The following LINC00632 variants were observed in gnomAD, a reference collection of about 807,000 sequenced individuals.
The protein encoded by LINC00632 is long independently transcribed non-coding RNA 632, also known as ALDOA related specific transcript.
exon 5 of LINC00632, among the ~76,000 whole-genome samples, chrX:140,777,331 T>C (rs1307453363): frequency 1.8e-5 from 2 of 112,242 alleles, no homozygotes; most frequent in East Asian, 5.6e-4. Flanking sequence ...GCTTGCATGG[T>C]TATGGTTGAG....
intron 3 of LINC00632, among the ~76,000 whole-genome samples, chrX:140,744,541 C>T (rs1177769512): frequency 2.5e-5 from 2 of 80,502 alleles, no homozygotes; most frequent in Admixed American, 1.7e-4. Context: ...TCAAGCCCAG[C>T]TCTAGTTTGG....
At chrX:140,779,944 A>G (rs1410827315) in exon 5 of LINC00632, among the ~76,000 whole-genome samples, 1 of 111,000 alleles carries the variant, frequency 9.0e-6, no homozygotes, top group East Asian at 2.9e-4. Flanking sequence ...CTGGCAGTAC[A>G]ACCCCTGGGT....
At chrX:140,711,329 A>C (rs1930512150) in intron 1 of LINC00632, among the ~76,000 whole-genome samples, 1 of 111,551 alleles carries the variant, frequency 9.0e-6, no homozygotes, top group African/African-American at 3.3e-5. Flanking sequence ...CTCTGAATAT[A>C]TGCAAATAAA....
chrX:140,744,398 G>A lies in LINC00632; in HGVS notation n.191+10434G>A, dbSNP rs188608534. On this transcript the variant is annotated intron_variant and non_coding_transcript_variant, in intron 3 of 4. Transcript: ENST00000648200. ...AGGAGCCCACAGAGGGGAGTTGATTGCTGTGCAGAGGTCTTGGTTCAAGCA... is the reference window on the plus strand; with the variant it reads ...AGGAGCCCACAGAGGGGAGTTGATTACTGTGCAGAGGTCTTGGTTCAAGCA... Among the ~76,000 whole-genome samples the A allele has an allele frequency of 5.4e-5, 6 of 110,656 alleles. No homozygotes were observed. The South Asian group carries it at 1.9e-3, about 36-fold the overall frequency.
intron 2 of LINC00632, among the ~76,000 whole-genome samples, chrX:140,723,651 C>CACACACATTCCATACAT (rs1930801470): frequency 1.2e-4 from 8 of 66,135 alleles, no homozygotes; most frequent in Non-Finnish European, 1.9e-4. Context: ...ATTCCATACA[C>CACACACATTCCATACAT]ACACACATTC....
intron 3 of LINC00632, among the ~76,000 whole-genome samples, chrX:140,769,291 C>T (rs781350576): frequency 9.0e-6 from 1 of 111,522 alleles, no homozygotes; most frequent in Non-Finnish European, 1.9e-5. Context: ...CATGGAGGGC[C>T]TCATAGGCCC....
intron 3 of LINC00632, among the ~76,000 whole-genome samples, chrX:140,750,737 C>G (rs1364106935): frequency 1.8e-5 from 2 of 110,665 alleles, no homozygotes; most frequent in Non-Finnish European, 3.8e-5. Context: ...GCAGTGTACA[C>G]TGTACCTAAT....
At chrX:140,716,941 T>C (rs1345841913) in intron 2 of LINC00632, among the ~76,000 whole-genome samples, 1 of 110,772 alleles carries the variant, frequency 9.0e-6, no homozygotes, top group Non-Finnish European at 1.9e-5. Flanking sequence ...AAATACATGC[T>C]CCTAAAATTG....
At chrX:140,711,304 C>T (rs980881452) in intron 1 of LINC00632, among the ~76,000 whole-genome samples, 2 of 111,393 alleles carry the variant, frequency 1.8e-5, no homozygotes, top group Admixed American at 1.9e-4. Flanking sequence ...AATCTTATTA[C>T]TGTCAGTCTC....
exon 5 of LINC00632, among the ~76,000 whole-genome samples, chrX:140,791,346 T>G (rs1321423382): frequency 8.9e-6 from 1 of 112,086 alleles, no homozygotes; most frequent in Non-Finnish European, 1.9e-5. Context: ...TAAAACTGAT[T>G]TGGTAATGGT....
At chrX:140,751,088 T>C (rs962876769) in intron 3 of LINC00632, among the ~76,000 whole-genome samples, 1 of 111,798 alleles carries the variant, frequency 8.9e-6, no homozygotes, top group African/African-American at 3.3e-5. Context: ...AATATAAATG[T>C]CTGTGCATGT....
chrX:140,727,966 C>T (rs774961048), intron 2 of LINC00632, among the ~76,000 whole-genome samples: 62 of 111,727 alleles, frequency 5.5e-4, no homozygotes, highest in African/African-American at 1.5e-3. Context: ...ACAGGCCGGG[C>T]GTGGTGGCTC....
intron 2 of LINC00632, among the ~76,000 whole-genome samples, chrX:140,716,530 C>T (rs1205837173): frequency 9.1e-6 from 1 of 110,195 alleles, no homozygotes; most frequent in East Asian, 2.9e-4. Context: ...CAAGAAGGCT[C>T]ACCATATAAT....
chrX:140,728,892 CACA>C (rs1338281298), intron 2 of LINC00632, among the ~76,000 whole-genome samples: 2 of 111,185 alleles, frequency 1.8e-5, no homozygotes, highest in Non-Finnish European at 3.8e-5. Context: ...CACACCACCC[CACA>C]ACGCCAATAA....
intron 2 of LINC00632, among the ~76,000 whole-genome samples, chrX:140,728,857 AAC>A (rs1478850852): frequency 1.3e-4 from 14 of 111,300 alleles, no homozygotes; most frequent in African/African-American, 3.9e-4. Flanking sequence ...ACTCTCCTAG[AAC>A]ACACAGAATC....
At chrX:140,770,741 C>T (rs1231551717) in intron 3 of LINC00632, among the ~76,000 whole-genome samples, 1 of 111,602 alleles carries the variant, frequency 9.0e-6, no homozygotes, top group East Asian at 2.8e-4. Flanking sequence ...TCAGTTCTTC[C>T]AAAACTATGA....
chrX:140,737,197 G>C (rs924394176), intron 3 of LINC00632, among the ~76,000 whole-genome samples: 1 of 111,349 alleles, frequency 9.0e-6, no homozygotes, highest in Non-Finnish European at 1.9e-5. Context: ...ACCGCAGTCG[G>C]CTGAGGATTG....
exon 5 of LINC00632, among the ~76,000 whole-genome samples, chrX:140,787,805 A>C (rs1932038759): frequency 9.0e-6 from 1 of 111,374 alleles, no homozygotes; most frequent in Non-Finnish European, 1.9e-5. Flanking sequence ...CACAAAAAAT[A>C]CGTATAATAT....
At chrX:140,777,268 T>G (rs1483612830) in exon 5 of LINC00632, among the ~76,000 whole-genome samples, 1 of 112,096 alleles carries the variant, frequency 8.9e-6, no homozygotes, top group Admixed American at 9.5e-5. Flanking sequence ...GTAACAAACC[T>G]GCACGTTCTG....
Sources: allele counts gnomAD v4.1 joint callset (sites outside exome capture counted in the v4.1 genomes callset), GRCh38; gene constraint gnomAD v4.1.1; transcripts MANE v1.5; gene names NCBI Gene and HGNC (gene_info 2026-07-23, HGNC 2026-07-21).